TRMT9B: variants seen among roughly 807,000 people sequenced by gnomAD.
The protein encoded by TRMT9B is probable tRNA methyltransferase 9B.
TRMT9B carries 16 observed loss-of-function variants against 11.5 expected under a neutral mutation model. The observed-to-expected ratio is 1.39, with a 90% confidence interval of 0.94 to 2.11. The LOEUF (loss-of-function observed/expected upper bound fraction) is 2.11, where lower values mean the gene tolerates loss of function less well. TRMT9B is among the 30% of genes most tolerant of loss of function. The pLI is 0.00. For missense variants in TRMT9B, 941 were observed against 553.8 expected (o/e 1.70, Z -7.02); for synonymous variants, 274 against 192.4 (o/e 1.42, Z -3.51).
intron 3 of TRMT9B, 173 bp downstream of exon 3, chr8:13,006,529 C>T: frequency 4.9e-6 from 7 of 1,441,512 alleles, no homozygotes; most frequent in Non-Finnish European, 6.4e-6. Flanking sequence ...CTTTGCTTTT[C>T]ACATTGATTT....
Position 13,021,830 on chromosome 8 carries a change from C to G in TRMT9B, c.1151C>G (p.Ser384Cys), listed in dbSNP as rs758224300. ...TTGAGAAGGATTTCTGCAGTTGATTCCACAGATTTCAACCCAGATGATACA... is the reference window on the plus strand; with the variant it reads ...TTGAGAAGGATTTCTGCAGTTGATTGCACAGATTTCAACCCAGATGATACA... ...KILRRISAVD[S>C]TDFNPDDTMS... Residue 384 changes from serine (S) to cysteine (C), a missense_variant, in exon 5 of 5, where the codon TCC (serine) becomes TGC (cysteine). Physicochemically the swap from Ser to Cys is moderately radical, Grantham distance 112 (BLOSUM62 -1). Transcript: ENST00000524591. 1 of 1,613,642 alleles carries G rather than the reference C, an allele frequency of 6.2e-7. No individual in the cohort carries two copies. Among genetic ancestry groups the G allele is most frequent in the Admixed American group, 1.7e-5 (1 of 59,976 alleles).
intron 1 of TRMT9B, among the ~76,000 whole-genome samples, chr8:12,957,156 G>A (rs1451631438): frequency 6.6e-6 from 1 of 152,150 alleles, no homozygotes; most frequent in Non-Finnish European, 1.5e-5. Flanking sequence ...ATTGAAACAT[G>A]AACATGTTTC....
intron 4 of TRMT9B, among the ~76,000 whole-genome samples, chr8:13,016,636 G>T (rs928842834): frequency 2.0e-5 from 3 of 151,646 alleles, no homozygotes; most frequent in Middle Eastern, 3.4e-3. Flanking sequence ...AAATATTGTT[G>T]TACTTACTTT....
intron 1 of TRMT9B, among the ~76,000 whole-genome samples, chr8:12,958,168 C>G (rs73204878): frequency 0.026 from 3,898 of 152,206 alleles, 65 homozygotes; most frequent in Non-Finnish European, 0.031. Flanking sequence ...TCAGAATCTC[C>G]TTTCTTTTTA....
rs1812520523 is a variant in TRMT9B at position 13,015,689 on chromosome 8, A to C, written c.328+2832A>C. Reference sequence around the variant, plus strand: ...GTAGTCTGCAAGGCCACCTATATCCAGACCATTCCACTGAGACACTGGTGA... The same window carrying C: ...GTAGTCTGCAAGGCCACCTATATCCCGACCATTCCACTGAGACACTGGTGA... On this transcript the variant is annotated intron_variant, in intron 4 of 4. Coordinates refer to ENST00000524591, the MANE Select transcript of TRMT9B (RefSeq NM_020844.3). Among the ~76,000 whole-genome samples, 3 of 152,276 alleles carry C rather than the reference A, an allele frequency of 2.0e-5. No individual in the cohort carries two copies. The South Asian group carries it at 6.2e-4, about 32-fold the overall frequency.
At chr8:12,954,164 A>C (rs1800999999) in intron 1 of TRMT9B, among the ~76,000 whole-genome samples, 2 of 152,266 alleles carry the variant, frequency 1.3e-5, no homozygotes, top group African/African-American at 4.8e-5. Flanking sequence ...GGATCTTCCC[A>C]GTAAATCTTA....
At chr8:12,974,167 C>A (rs1356713741) in intron 1 of TRMT9B, among the ~76,000 whole-genome samples, 1 of 149,628 alleles carries the variant, frequency 6.7e-6, no homozygotes, top group Non-Finnish European at 1.5e-5. Context: ...AAGACCCTGT[C>A]CCTTAAAAAA....
chr8:12,950,806 G>C (rs1210680974), intron 1 of TRMT9B, among the ~76,000 whole-genome samples: 3 of 152,116 alleles, frequency 2.0e-5, no homozygotes, highest in Non-Finnish European at 4.4e-5. Flanking sequence ...ACCTGTTATA[G>C]ACCAGCGTCT....
At chr8:12,952,730 C>T in intron 1 of TRMT9B, 2 of 969,068 alleles carry the variant, frequency 2.1e-6, no homozygotes, top group South Asian at 4.8e-5. Context: ...ATATTACTTG[C>T]TATGTGTGGG....
intron 1 of TRMT9B, among the ~76,000 whole-genome samples, chr8:12,958,122 T>C (rs569460991): frequency 1.3e-5 from 2 of 152,226 alleles, no homozygotes; most frequent in Non-Finnish European, 2.9e-5. Context: ...CCATGTAGTA[T>C]AATATTTTCA....
At chr8:13,005,673 G>C (rs4557702) in intron 2 of TRMT9B, among the ~76,000 whole-genome samples, 4 of 152,082 alleles carry the variant, frequency 2.6e-5, no homozygotes, top group Non-Finnish European at 5.9e-5. Flanking sequence ...TGAATGGCAA[G>C]AGAACCGTTT....
chr8:12,960,861 G>C (rs113993252), intron 1 of TRMT9B, among the ~76,000 whole-genome samples: 2,529 of 152,250 alleles, frequency 0.017, 80 homozygotes, highest in African/African-American at 0.058. Flanking sequence ...AATAAAACTG[G>C]GCTGGGCGCG....
chr8:12,952,022 C>G (rs1702032000), intron 1 of TRMT9B: 1 of 168,734 alleles, frequency 5.9e-6, no homozygotes, highest in Non-Finnish European at 1.3e-5. Context: ...CGCCCTCCGT[C>G]TATTTTTTCC....
intron 1 of TRMT9B, among the ~76,000 whole-genome samples, chr8:12,967,967 C>G (rs905385756): frequency 6.6e-6 from 1 of 152,242 alleles, no homozygotes; most frequent in African/African-American, 2.4e-5. Context: ...ACGATCTTGG[C>G]TCACTGCAAC....
chr8:13,012,672 T>A lies in TRMT9B; in HGVS notation c.155-12T>A. The A allele has an allele frequency of 6.2e-7, 1 of 1,602,470 alleles. No individual in the cohort carries two copies. ...TTGAGGATAGCATGTAACGCAGGTT[T>A]TTCTCTTATAGGTTGTGGGACTGGA... is the stretch of plus-strand genomic sequence containing the variant. On this transcript the variant is annotated splice_polypyrimidine_tract_variant and intron_variant, in intron 3 of 4. Transcript: ENST00000524591.
intron 1 of TRMT9B, among the ~76,000 whole-genome samples, chr8:12,946,883 A>G (rs1316933990): frequency 1.3e-5 from 2 of 152,192 alleles, no homozygotes; most frequent in Admixed American, 1.3e-4. Context: ...TTCCCTATGT[A>G]CCTTGAGAAG....
rs552085987 is a variant in TRMT9B, at chr8:13,022,960, G to C, written c.*916G>C. 1 of 166,646 alleles carries C rather than the reference G, an allele frequency of 6.0e-6. No homozygotes were observed. Among genetic ancestry groups the C allele is most frequent in the African/African-American group, 2.4e-5 (1 of 41,444 alleles). 10.3% of individuals were successfully genotyped at this position (166,646 alleles called of 1,614,324 possible). ...ATTGCATCACTGCACTGCAGCCTGG[G>C]CAACATAGCAAGACTCTGTCTCAAA... On this transcript the variant is annotated 3_prime_UTR_variant, in exon 5 of 5. Transcript: ENST00000524591.
Position 13,018,692 on chromosome 8 carries a change from A to G in TRMT9B, c.329-2316A>G, listed in dbSNP as rs73665511. ...TCACAACATTTTTGTCAGCTGAACAACATATTGTCTTGTTTTATGTGTGTT... is the reference window on the plus strand; with the variant it reads ...TCACAACATTTTTGTCAGCTGAACAGCATATTGTCTTGTTTTATGTGTGTT... On this transcript the variant is annotated intron_variant, in intron 4 of 4. Transcript: ENST00000524591. Among the ~76,000 whole-genome samples, 332 of 152,280 alleles carry G rather than the reference A, an allele frequency of 2.2e-3. 3 individuals are homozygous for G. Among genetic ancestry groups the G allele is most frequent in the African/African-American group, 7.7e-3 (318 of 41,562 alleles).
chr8:12,983,578 G>A (rs1052782074), intron 1 of TRMT9B, among the ~76,000 whole-genome samples: 1 of 152,156 alleles, frequency 6.6e-6, no homozygotes, highest in African/African-American at 2.4e-5. Flanking sequence ...GCTGAGGCAG[G>A]ACAATCGCTT....
Sources: gnomAD v4.1 joint callset for allele counts (sites outside exome capture counted in the v4.1 genomes callset) on GRCh38, gnomAD v4.1.1 for gene constraint, MANE v1.5 for transcripts, NCBI Gene and HGNC (gene_info 2026-07-23, HGNC 2026-07-21) for gene names.